Variants in MTAP observed in about 807,000 individuals in gnomAD.
MTAP encodes the protein S-methyl-5'-thioadenosine phosphorylase.
MTAP carries 33 observed loss-of-function variants against 33.6 expected under a neutral mutation model. The observed-to-expected ratio is 0.98, with a 90% CI of 0.74 to 1.31. MTAP has a LOEUF of 1.31. Among genes scored for constraint, MTAP ranks in the 40% most tolerant of loss-of-function variants. The pLI, the probability that MTAP is intolerant of heterozygous loss-of-function variation, is 0.00. For synonymous variants in MTAP, 148 were observed against 125.7 expected (o/e 1.18, Z -1.19); for missense variants, 367 against 360.0 (o/e 1.02, Z -0.16).
intron 1 of MTAP, among the ~76,000 whole-genome samples, chr9:21,909,461 G>C (rs947072718): frequency 2.6e-5 from 4 of 152,090 alleles, no homozygotes; most frequent in African/African-American, 9.7e-5. Context: ...GTTCAGTATA[G>C]AGCTTGGGCA....
downstream of MTAP, among the ~76,000 whole-genome samples, chr9:21,940,504 GT>G (rs1819119787): frequency 6.6e-6 from 1 of 152,094 alleles, no homozygotes; most frequent in Non-Finnish European, 1.5e-5. Flanking sequence ...TTATCTACTT[GT>G]AAACTGAACT....
chr9:21,858,862 T>G (rs1273152478), intron 6 of MTAP: 1 of 153,098 alleles, frequency 6.5e-6, no homozygotes, highest in African/African-American at 2.4e-5. Context: ...GTCAGGTTTT[T>G]CTTAGTCTGT....
chr9:21,898,674 T>C (rs991840754), intron 1 of MTAP, among the ~76,000 whole-genome samples: 3 of 152,026 alleles, frequency 2.0e-5, no homozygotes, highest in Admixed American at 6.6e-5. Context: ...AAATCAAAAT[T>C]ACAATGAGAT....
chr9:21,853,277 G>A (rs7030647), intron 5 of MTAP, among the ~76,000 whole-genome samples: 1 of 151,626 alleles, frequency 6.6e-6, no homozygotes. Context: ...GAGTGGGCTT[G>A]TTATGTCTTA....
At chr9:21,920,616 C>G (rs1390459428) in intron 1 of MTAP, among the ~76,000 whole-genome samples, 1 of 152,182 alleles carries the variant, frequency 6.6e-6, no homozygotes, top group African/African-American at 2.4e-5. Flanking sequence ...GGAAACAATT[C>G]TCTATGGATA....
chr9:21,897,986 A>G (rs550734136), intron 1 of MTAP, among the ~76,000 whole-genome samples: 14 of 152,334 alleles, frequency 9.2e-5, no homozygotes, highest in Admixed American at 2.6e-4. Flanking sequence ...AAACTATACT[A>G]CAAGGCTACA....
Position 21,862,252 on chromosome 9 carries a change from A to C in MTAP, c.*238A>C. Reference sequence around the variant, plus strand: ...GTAAACATGTGGGAAAAAATATTACATTTTAAGGGGGAAAAAAAAACCCAC... The same window carrying C: ...GTAAACATGTGGGAAAAAATATTACCTTTTAAGGGGGAAAAAAAAACCCAC... On this transcript the variant is annotated 3_prime_UTR_variant, in exon 8 of 8. Transcript: ENST00000644715. 1 of 1,043,592 alleles carries C rather than the reference A, an allele frequency of 9.6e-7. No individual in the cohort carries two copies. The highest frequency in any genetic ancestry group is 1.2e-6 in the Non-Finnish European group (1 of 807,234). 64.6% of individuals were successfully genotyped at this position (1,043,592 alleles called of 1,614,324 possible). A position where few individuals can be genotyped will look rare whatever the true frequency, so the allele number is the denominator to read the frequency against.
intron 1 of MTAP, among the ~76,000 whole-genome samples, chr9:21,921,649 A>G (rs1442221029): frequency 6.6e-6 from 1 of 152,192 alleles, no homozygotes; most frequent in Non-Finnish European, 1.5e-5. Context: ...GCCTTACAAG[A>G]GACTCAATAA....
chr9:21,803,847 C>T (rs144256421), intron 1 of MTAP, among the ~76,000 whole-genome samples: 1 of 152,276 alleles, frequency 6.6e-6, no homozygotes, highest in Non-Finnish European at 1.5e-5. Flanking sequence ...CGAATTTCTG[C>T]GGTCAGTGTG....
At chr9:21,925,121 A>G (rs1488637517) in intron 1 of MTAP, among the ~76,000 whole-genome samples, 2 of 152,220 alleles carry the variant, frequency 1.3e-5, no homozygotes, top group African/African-American at 4.8e-5. Flanking sequence ...ATATGGGCAA[A>G]GAATTGCATG....
In MTAP at chr9:21,816,574, G is replaced by A. The variant is rs7023680; in HGVS notation, c.121-140G>A. ...AAGTAATTGATTAAATGATTATATT[G>A]ATAATCAGATCTTGCCTCTTCTCTA... On this transcript the variant is annotated intron_variant, in intron 2 of 7. Coordinates refer to ENST00000644715, the MANE Select transcript of MTAP (RefSeq NM_002451.4). 0.56 allele frequency: 376,730 copies of A among 671,772 alleles called. 108,827 individuals are homozygous for A. Among genetic ancestry groups the A allele is most frequent in the African/African-American group, 0.81 (44,188 of 54,266 alleles). 41.6% of individuals were successfully genotyped at this position (671,772 alleles called of 1,614,324 possible).
intron 1 of MTAP, among the ~76,000 whole-genome samples, chr9:21,898,345 C>G (rs1264171122): frequency 6.6e-6 from 1 of 152,142 alleles, no homozygotes; most frequent in African/African-American, 2.4e-5. Flanking sequence ...GACTACAACA[C>G]CAAAAGCAAT....
chr9:21,914,077 T>G (rs537678156), intron 1 of MTAP, among the ~76,000 whole-genome samples: 5 of 152,194 alleles, frequency 3.3e-5, no homozygotes, highest in African/African-American at 1.2e-4. Context: ...AAAATCACAA[T>G]GAGATACCAT....
At chr9:21,858,407 A>G (rs1270494257) in intron 6 of MTAP, among the ~76,000 whole-genome samples, 1 of 152,210 alleles carries the variant, frequency 6.6e-6, no homozygotes, top group East Asian at 1.9e-4. Flanking sequence ...ATGGTTCTAC[A>G]GGCTGTACGG....
At chr9:21,902,072 C>A (rs1818401797) in intron 1 of MTAP, among the ~76,000 whole-genome samples, 1 of 152,130 alleles carries the variant, frequency 6.6e-6, no homozygotes. Flanking sequence ...GTGCCATCTC[C>A]AGCTGAGTCA....
chr9:21,819,185 C>G (rs1237480634), intron 4 of MTAP, among the ~76,000 whole-genome samples: 1 of 149,770 alleles, frequency 6.7e-6, no homozygotes, highest in Non-Finnish European at 1.5e-5. Flanking sequence ...TACATGTGCA[C>G]AACGTGCAGG....
At chr9:21,814,764 A>T (rs1302870382) in intron 1 of MTAP, among the ~76,000 whole-genome samples, 1 of 152,228 alleles carries the variant, frequency 6.6e-6, no homozygotes, top group Non-Finnish European at 1.5e-5. Context: ...TTACTGAGTA[A>T]TATACATGAG....
In MTAP at chr9:21,864,562, A is replaced by C; in HGVS notation, c.*2548A>C. On this transcript the variant is annotated 3_prime_UTR_variant, in exon 8 of 8. Transcript: ENST00000644715. ...TTTGGCATGGATTTTCATGGTTTTG[A>C]GAATGACATCCTGGCCCTGTGGTCC... is the stretch of plus-strand genomic sequence containing the variant. 2.0e-6 allele frequency: 2 copies of C among 985,466 alleles called. No homozygotes were observed. The highest frequency in any genetic ancestry group is 2.4e-6 in the Non-Finnish European group (2 of 829,968). 61.0% of individuals were successfully genotyped at this position (985,466 alleles called of 1,614,324 possible). A position where few individuals can be genotyped will look rare whatever the true frequency, so the allele number is the denominator to read the frequency against.
Position 21,865,815 on chromosome 9 carries a change from C to T in MTAP, c.*3801C>T, listed in dbSNP as rs936384968. ...TATTTCTTTGTTTTGAAGATTCACT[C>T]ATGTTGCATGCATCTGTAGCTTGTG... On this transcript the variant is annotated 3_prime_UTR_variant, in exon 8 of 8. Coordinates refer to ENST00000644715, the MANE Select transcript of MTAP (RefSeq NM_002451.4). The T allele has an allele frequency of 1.4e-5, 14 of 1,003,916 alleles. No individual in the cohort carries two copies. The highest frequency in any genetic ancestry group is 1.7e-5 in the Non-Finnish European group (14 of 838,868). 62.2% of individuals were successfully genotyped at this position (1,003,916 alleles called of 1,614,324 possible).
Sources: allele counts gnomAD v4.1 joint callset (sites outside exome capture counted in the v4.1 genomes callset), GRCh38; gene constraint gnomAD v4.1.1; transcripts MANE v1.5; gene names NCBI Gene and HGNC (gene_info 2026-07-23, HGNC 2026-07-21).